SMYD3: variants seen among roughly 807,000 people sequenced by gnomAD.
The protein encoded by SMYD3 is histone-lysine N-methyltransferase SMYD3.
A neutral mutation model predicts 57.7 loss-of-function variants in SMYD3; 36 were observed. That is an observed-to-expected ratio of 0.62 (90% CI 0.48 to 0.82). The LOEUF (loss-of-function observed/expected upper bound fraction) is 0.82. Among genes scored for constraint, SMYD3 ranks in the 40% least tolerant of loss-of-function variants. SMYD3 has a pLI of 0.00. For synonymous variants in SMYD3, 211 were observed against 195.0 expected, an observed-to-expected ratio of 1.08 and a Z score of -0.68; for missense variants, 515 against 538.8, an observed-to-expected ratio of 0.96 and a Z score of 0.44.
chr1:246,323,939 G>C (rs1487112143), intron 5 of SMYD3, among the ~76,000 whole-genome samples: 1 of 152,052 alleles, frequency 6.6e-6, no homozygotes, highest in Non-Finnish European at 1.5e-5. Flanking sequence ...AAAAATGACA[G>C]ATATAAAATG....
intron 5 of SMYD3, among the ~76,000 whole-genome samples, chr1:246,101,956 C>T (rs765372263): frequency 4.6e-5 from 7 of 152,170 alleles, no homozygotes; most frequent in Admixed American, 1.3e-4. Flanking sequence ...ACGTAAATAC[C>T]TCCATTATCC....
intron 1 of SMYD3, among the ~76,000 whole-genome samples, chr1:246,479,141 G>A (rs2068070060): frequency 6.6e-6 from 1 of 150,786 alleles, no homozygotes; most frequent in Non-Finnish European, 1.5e-5. Flanking sequence ...GTACACAAGT[G>A]CTCATATATG....
At chr1:246,341,085 CTTTCTCT>C (rs1211920765) in intron 2 of SMYD3, among the ~76,000 whole-genome samples, 2 of 152,112 alleles carry the variant, frequency 1.3e-5, no homozygotes, top group Non-Finnish European at 2.9e-5. Context: ...CTATTTTTGT[CTTTCTCT>C]TTATAGCTTT....
intron 1 of SMYD3, among the ~76,000 whole-genome samples, chr1:246,489,757 C>T (rs1018870905): frequency 2.0e-5 from 3 of 152,132 alleles, no homozygotes; most frequent in African/African-American, 7.2e-5. Context: ...TTGTAGTAGG[C>T]TGTACGTAAG....
intron 5 of SMYD3, among the ~76,000 whole-genome samples, chr1:246,044,274 T>C (rs1279077884): frequency 1.3e-5 from 2 of 152,194 alleles, no homozygotes; most frequent in Admixed American, 1.3e-4. Flanking sequence ...TGGTTCAATT[T>C]ATAGAAAATA....
chr1:245,749,537 C>G lies in SMYD3; in HGVS notation c.*26G>C, dbSNP rs201150019. 2.5e-6 allele frequency: 4 copies of G among 1,572,950 alleles called. No homozygotes were observed. The highest frequency in any genetic ancestry group is 3.5e-6 in the Non-Finnish European group (4 of 1,142,768). On this transcript the variant is annotated 3_prime_UTR_variant, in exon 12 of 12. Transcript: ENST00000490107. ...ATAAGGCATTCAACAAAGACACACG[C>G]CGTATTTCCCTCTGACTGCGTTCCC...
At chr1:246,363,396 G>A (rs1381817333) in intron 1 of SMYD3, among the ~76,000 whole-genome samples, 34 of 150,738 alleles carry the variant, frequency 2.3e-4, no homozygotes, top group African/African-American at 7.6e-4. Context: ...CCCTCTGCCC[G>A]GCCACCACCC....
chr1:246,261,062 TGTTGTTG>T (rs1292402253), intron 5 of SMYD3, among the ~76,000 whole-genome samples: 82 of 151,516 alleles, frequency 5.4e-4, no homozygotes, highest in African/African-American at 1.9e-3. Flanking sequence ...TTGTTGTTGT[TGTTGTTG>T]TTTATTTGAG....
chr1:246,204,599 A>G (rs1243894776), intron 5 of SMYD3, among the ~76,000 whole-genome samples: 2 of 152,252 alleles, frequency 1.3e-5, no homozygotes, highest in East Asian at 3.8e-4. Context: ...TCACTGGTTT[A>G]GCAAGATTCT....
At chr1:246,462,562 G>A (rs190054776) in intron 1 of SMYD3, among the ~76,000 whole-genome samples, 4 of 152,276 alleles carry the variant, frequency 2.6e-5, no homozygotes, top group Admixed American at 6.5e-5. Flanking sequence ...ATCTCTGGGC[G>A]CATCCCTTGA....
intron 5 of SMYD3, among the ~76,000 whole-genome samples, chr1:246,115,610 GAA>G (rs1211407896): frequency 1.3e-5 from 2 of 152,208 alleles, no homozygotes; most frequent in Non-Finnish European, 2.9e-5. Flanking sequence ...CACGTGCAGG[GAA>G]AAAGCAGCAT....
chr1:246,232,207 G>C (rs1326435507), intron 5 of SMYD3, among the ~76,000 whole-genome samples: 3 of 152,116 alleles, frequency 2.0e-5, no homozygotes, highest in Non-Finnish European at 4.4e-5. Flanking sequence ...GAATGAAATG[G>C]ATCACTGGAC....
intron 10 of SMYD3, among the ~76,000 whole-genome samples, chr1:245,834,465 C>T (rs1424750422): frequency 6.6e-6 from 1 of 152,194 alleles, no homozygotes; most frequent in African/African-American, 2.4e-5. Flanking sequence ...GGGCTCACCC[C>T]AGCCCCCTAC....
chr1:245,907,097 A>T (rs1039625500), intron 8 of SMYD3, among the ~76,000 whole-genome samples: 15 of 152,174 alleles, frequency 9.9e-5, no homozygotes, highest in African/African-American at 3.6e-4. Context: ...GGACGTGAGG[A>T]TGGTTAATGG....
chr1:246,392,576 T>G (rs1224156722), intron 1 of SMYD3, among the ~76,000 whole-genome samples: 1 of 151,968 alleles, frequency 6.6e-6, no homozygotes, highest in Admixed American at 6.6e-5. Flanking sequence ...ACCTCCCGAA[T>G]AGCTGGGACT....
chr1:245,995,189 G>C (rs10924436), intron 5 of SMYD3, among the ~76,000 whole-genome samples: 97,684 of 152,146 alleles, frequency 0.64, 34,733 homozygotes, highest in Non-Finnish European at 0.8. Flanking sequence ...CTAATGTCCA[G>C]TAAACAAATT....
chr1:246,173,284 A>G (rs1043898353), intron 5 of SMYD3, among the ~76,000 whole-genome samples: 3 of 152,038 alleles, frequency 2.0e-5, no homozygotes, highest in African/African-American at 7.2e-5. Flanking sequence ...TCTACTGTAG[A>G]CTTTATCAAC....
chr1:245,978,643 C>T lies in SMYD3; in HGVS notation c.532-48706G>A, dbSNP rs188039816. ...AAATCCTCCAGAGCAGGCAGTTAAA[C>T]GTTGAGTCCAGCGTTTCGGAGCCTG... On this transcript the variant is annotated intron_variant, in intron 5 of 11. Coordinates refer to ENST00000490107, the MANE Select transcript of SMYD3 (RefSeq NM_001167740.2). Among the ~76,000 whole-genome samples the T allele has an allele frequency of 3.6e-3, 553 of 152,252 alleles. 3 individuals are homozygous for T. The highest frequency in any genetic ancestry group is 6.4e-3 in the Non-Finnish European group (436 of 68,026).
In SMYD3 at chr1:246,225,047, A is replaced by ATT. The variant is rs58032932; in HGVS notation, c.531+102152_531+102153dup. On this transcript the variant is annotated intron_variant, in intron 5 of 11. Coordinates refer to ENST00000490107, the MANE Select transcript of SMYD3 (RefSeq NM_001167740.2). ...TATAGCAATCAAGGCTGGAGATACA[A>ATT]TTTTTTTTTTAGTATATTGGCATCA... 1.1e-3 allele frequency among the ~76,000 whole-genome samples: 162 copies of ATT among 149,744 alleles called. 1 individual carries two copies. The highest frequency in any genetic ancestry group is 1.6e-3 in the Non-Finnish European group (107 of 67,336).
Sources: gnomAD v4.1 joint callset for allele counts (sites outside exome capture counted in the v4.1 genomes callset) on GRCh38, gnomAD v4.1.1 for gene constraint, MANE v1.5 for transcripts, NCBI Gene and HGNC (gene_info 2026-07-23, HGNC 2026-07-21) for gene names.